Variants in PDS5B observed in about 807,000 individuals in gnomAD.
PDS5B encodes the protein sister chromatid cohesion protein PDS5 homolog B.
In PDS5B, 51 loss-of-function variants were observed where a neutral mutation model predicts 184.1. The observed-to-expected ratio is 0.28, with a 90% CI of 0.22 to 0.35. The LOEUF is 0.35. PDS5B is among the 10% of genes least tolerant of loss of function. PDS5B has a pLI of 1.00. For synonymous variants in PDS5B, 566 were observed against 569.2 expected (o/e 0.99, Z 0.08); for missense variants, 1,180 against 1,723.3 (o/e 0.68, Z 5.58).
At chr13:32,669,133 G>C (rs1041554586) in intron 7 of PDS5B, among the ~76,000 whole-genome samples, 1 of 152,126 alleles carries the variant, frequency 6.6e-6, no homozygotes, top group Non-Finnish European at 1.5e-5. Flanking sequence ...CACTTGAAGT[G>C]TGTAGACCTA....
chr13:32,764,346 G>T, intron 30 of PDS5B, 143 bp from the exon 31 acceptor site: 1 of 409,844 alleles, frequency 2.4e-6, no homozygotes, highest in East Asian at 3.8e-5. Flanking sequence ...TGTTGAGTTG[G>T]TACCAAATAT....
chr13:32,610,551 T>C (rs2058125104), intron 1 of PDS5B, among the ~76,000 whole-genome samples: 1 of 152,158 alleles, frequency 6.6e-6, no homozygotes, highest in African/African-American at 2.4e-5. Context: ...CTTGAGGAGA[T>C]GGATAGAGTT....
At chr13:32,600,758 T>C (rs965807447) in intron 1 of PDS5B, among the ~76,000 whole-genome samples, 4 of 152,158 alleles carry the variant, frequency 2.6e-5, no homozygotes, top group Admixed American at 2.6e-4. Flanking sequence ...ACAAAAAAAT[T>C]TGAGGTGTTT....
intron 9 of PDS5B, 121 bp from the exon 10 acceptor site, chr13:32,678,713 CT>C (rs750482102): frequency 1.3e-5 from 8 of 626,378 alleles, no homozygotes; most frequent in Non-Finnish European, 2.3e-5. Context: ...TTTGGTTCTA[CT>C]TTGCATTTTC....
At chr13:32,654,055 A>T (rs1453011466) in intron 3 of PDS5B, among the ~76,000 whole-genome samples, 1 of 152,228 alleles carries the variant, frequency 6.6e-6, no homozygotes, top group African/African-American at 2.4e-5. Flanking sequence ...GTCTTTGTGC[A>T]TTATTCCCTA....
At chr13:32,707,261 A>G (rs1379015171) in intron 18 of PDS5B, among the ~76,000 whole-genome samples, 1 of 152,162 alleles carries the variant, frequency 6.6e-6, no homozygotes, top group African/African-American at 2.4e-5. Context: ...TTATATTAAA[A>G]TAGTGGAGTA....
rs970806961 is a variant in PDS5B at position 32,659,612 on chromosome 13, A to C, written c.624+332A>C. 2.0e-5 allele frequency among the ~76,000 whole-genome samples: 3 copies of C among 152,220 alleles called. No individual in the cohort carries two copies. The East Asian group carries it at 5.8e-4, about 29-fold the overall frequency. On this transcript the variant is annotated intron_variant, in intron 6 of 34. Coordinates refer to ENST00000315596, the MANE Select transcript of PDS5B (RefSeq NM_015032.4). ...GGAACCAAGTAGGGCCATAACTAAAAGATAGTGATAATGTAGATAGAGAGG... is the reference window on the plus strand; with the variant it reads ...GGAACCAAGTAGGGCCATAACTAAACGATAGTGATAATGTAGATAGAGAGG...
rs1566437986 is a variant in PDS5B, at chr13:32,775,004, CTT to C, written c.4309-11_4309-10del. On this transcript the variant is annotated splice_polypyrimidine_tract_variant and intron_variant, in intron 34 of 34. Coordinates refer to ENST00000315596, the MANE Select transcript of PDS5B (RefSeq NM_015032.4). ...CCCATTTTAATTAAGCATCTGGTGACTTTCCTTTTAAGGTACGGCGGCGAAGT... is the reference window on the plus strand; with the variant it reads ...CCCATTTTAATTAAGCATCTGGTGACTCCTTTTAAGGTACGGCGGCGAAGT... 6.2e-7 allele frequency: 1 copy of C among 1,610,238 alleles called. No homozygotes were observed. The highest frequency in any genetic ancestry group is 8.5e-7 in the Non-Finnish European group (1 of 1,177,558).
At chr13:32,738,379 C>G (rs887517045) in intron 21 of PDS5B, among the ~76,000 whole-genome samples, 2 of 152,090 alleles carry the variant, frequency 1.3e-5, no homozygotes, top group Non-Finnish European at 2.9e-5. Context: ...GAGAAAATAT[C>G]TAATAGATAC....
At chr13:32,601,980 A>T (rs1464193947) in intron 1 of PDS5B, among the ~76,000 whole-genome samples, 1 of 152,180 alleles carries the variant, frequency 6.6e-6, no homozygotes, top group Non-Finnish European at 1.5e-5. Flanking sequence ...TTTTGTTTTA[A>T]TGTAAATGTA....
intron 21 of PDS5B, among the ~76,000 whole-genome samples, chr13:32,736,847 G>A (rs1226711503): frequency 6.6e-6 from 1 of 151,058 alleles, no homozygotes; most frequent in African/African-American, 2.4e-5. Context: ...TTTTTTTTCT[G>A]ACCTATCTTT....
intron 28 of PDS5B, among the ~76,000 whole-genome samples, 195 bp downstream of exon 28, chr13:32,758,848 T>A (rs184731709): frequency 2.0e-5 from 3 of 152,270 alleles, no homozygotes; most frequent in African/African-American, 7.2e-5. Context: ...GTGTTTATGT[T>A]CAGTTTTAAG....
intron 17 of PDS5B, among the ~76,000 whole-genome samples, chr13:32,704,350 G>A (rs1463562068): frequency 1.3e-5 from 2 of 152,100 alleles, no homozygotes; most frequent in Non-Finnish European, 2.9e-5. Flanking sequence ...TGTATTTTTA[G>A]TAGAAATGGG....
chr13:32,641,765 G>A (rs79001670), intron 1 of PDS5B, among the ~76,000 whole-genome samples: 7,343 of 152,096 alleles, frequency 0.048, 490 homozygotes, highest in African/African-American at 0.16. Context: ...AACCCATAAA[G>A]CATGAACAAT....
intron 12 of PDS5B, 96 bp from the exon 13 acceptor site, chr13:32,688,360 C>G (rs1342440614): frequency 3.3e-6 from 2 of 602,726 alleles, no homozygotes; most frequent in Admixed American, 3.0e-5. Flanking sequence ...GCAGGAACTT[C>G]TTTAATATAT....
intron 1 of PDS5B, among the ~76,000 whole-genome samples, chr13:32,614,263 A>G (rs1046681311): frequency 6.6e-6 from 1 of 152,020 alleles, no homozygotes; most frequent in African/African-American, 2.4e-5. Flanking sequence ...TTTCAGCAAG[A>G]AAATCAGCGG....
chr13:32,706,048 C>A (rs1027420521), intron 17 of PDS5B, among the ~76,000 whole-genome samples: 1 of 151,964 alleles, frequency 6.6e-6, no homozygotes, highest in Non-Finnish European at 1.5e-5. Flanking sequence ...GAGGCAAAGG[C>A]GGGCAGATCA....
In PDS5B at chr13:32,751,444, C is replaced by T. The variant is rs151066830; in HGVS notation, c.2737-1888C>T. The stretch of plus-strand genomic sequence containing the variant: ...TTTGAGAAATCACCAACCTGCTTTC[C>T]GCAATGGCTAAACTAATTTACATTC... On this transcript the variant is annotated intron_variant, in intron 24 of 34. Coordinates refer to ENST00000315596, the MANE Select transcript of PDS5B (RefSeq NM_015032.4). 2.2e-4 allele frequency among the ~76,000 whole-genome samples: 33 copies of T among 152,292 alleles called. No individual in the cohort carries two copies. The East Asian group carries it at 5.2e-3, about 24-fold the overall frequency.
rs1291048131 is a variant in PDS5B, at chr13:32,775,237, A to G, written c.*185A>G. 4 of 590,732 alleles carry G rather than the reference A, an allele frequency of 6.8e-6. No individual in the cohort carries two copies. Among genetic ancestry groups the G allele is most frequent in the African/African-American group, 3.7e-5 (2 of 53,632 alleles). The allele number at this position is 590,732 out of a possible 1,614,324, so 36.6% of individuals were successfully genotyped here. ...CACATGCTTTAGCCATACACATGGT[A>G]ACATTGACTATGGAGTCTTGTGAAA... On this transcript the variant is annotated 3_prime_UTR_variant, in exon 35 of 35. Coordinates refer to ENST00000315596, the MANE Select transcript of PDS5B (RefSeq NM_015032.4).
Sources: allele counts gnomAD v4.1 joint callset (sites outside exome capture counted in the v4.1 genomes callset), GRCh38; gene constraint gnomAD v4.1.1; transcripts MANE v1.5; gene names NCBI Gene and HGNC (gene_info 2026-07-23, HGNC 2026-07-21).